The following TENM2 variants were observed in gnomAD, a reference collection of about 807,000 sequenced individuals.
The protein encoded by TENM2 is teneurin transmembrane protein 2.
A neutral mutation model predicts 245.2 loss-of-function variants in TENM2; 52 were observed. The ratio of observed to expected loss-of-function variants is 0.21; its 90% CI spans 0.17 to 0.27. TENM2 has a LOEUF of 0.27. Ranked by LOEUF, TENM2 falls within the 10% of genes least tolerant of loss-of-function variation. The pLI is 1.00. For missense variants in TENM2, 3,046 were observed against 3,666.8 expected (o/e 0.83, Z 4.37); for synonymous variants, 1,363 against 1,438.9 (o/e 0.95, Z 1.19).
intron 12 of TENM2, among the ~76,000 whole-genome samples, chr5:168,146,716 T>C (rs1756116583): frequency 6.6e-6 from 1 of 152,230 alleles, no homozygotes; most frequent in Non-Finnish European, 1.5e-5. Flanking sequence ...AGGTGAATAC[T>C]GTTAGCATCA....
chr5:167,082,323 C>T, the TENM2 span, among the ~76,000 whole-genome samples: 1 of 151,956 alleles, frequency 6.6e-6, no homozygotes, highest in African/African-American at 2.4e-5. Context: ...CTCACTCTGT[C>T]GCTCAGGTTG....
chr5:168,189,610 CCA>C (rs1203731608), intron 13 of TENM2, among the ~76,000 whole-genome samples: 1 of 152,184 alleles, frequency 6.6e-6, no homozygotes, highest in Non-Finnish European at 1.5e-5. Context: ...CAAGCCAAAG[CCA>C]TTTCTCCACA....
chr5:167,808,657 C>G (rs1391011041), intron 2 of TENM2, among the ~76,000 whole-genome samples: 1 of 152,102 alleles, frequency 6.6e-6, no homozygotes, highest in South Asian at 2.1e-4. Flanking sequence ...AGATAGAAAC[C>G]CCTTGTCTTT....
At chr5:167,341,749 G>A (rs972083544) in intron 1 of TENM2, among the ~76,000 whole-genome samples, 4 of 151,570 alleles carry the variant, frequency 2.6e-5, no homozygotes, top group Non-Finnish European at 5.9e-5. Context: ...ACATAATTAT[G>A]GAGAGATCTC....
At chr5:167,358,317 C>T (rs1049149044) in intron 1 of TENM2, among the ~76,000 whole-genome samples, 2 of 152,154 alleles carry the variant, frequency 1.3e-5, no homozygotes, top group African/African-American at 4.8e-5. Context: ...GTTGCTACAT[C>T]ATAATTGTCC....
chr5:167,182,424 A>C, the TENM2 span, among the ~76,000 whole-genome samples: 1 of 152,184 alleles, frequency 6.6e-6, no homozygotes, highest in African/African-American at 2.4e-5. Context: ...AATTTGGAAC[A>C]TCATTCTGAG....
chr5:168,016,674 C>T (rs983612350), intron 5 of TENM2, among the ~76,000 whole-genome samples: 4 of 152,178 alleles, frequency 2.6e-5, no homozygotes, highest in Non-Finnish European at 5.9e-5. Flanking sequence ...CAAGCACCTT[C>T]TCAGTGGGAG....
intron 12 of TENM2, among the ~76,000 whole-genome samples, chr5:168,137,309 C>G (rs1429204189): frequency 6.6e-6 from 1 of 152,170 alleles, no homozygotes; most frequent in Non-Finnish European, 1.5e-5. Context: ...GAGGGAGAAG[C>G]TCTGATAAGT....
chr5:167,126,960 G>C, the TENM2 span, among the ~76,000 whole-genome samples: 1 of 151,402 alleles, frequency 6.6e-6, no homozygotes, highest in Middle Eastern at 3.5e-3. Flanking sequence ...TGGTACATTT[G>C]TAGCAGAGCC....
intron 3 of TENM2, among the ~76,000 whole-genome samples, chr5:167,926,261 T>C (rs1777753697): frequency 6.6e-6 from 1 of 152,210 alleles, no homozygotes; most frequent in Non-Finnish European, 1.5e-5. Flanking sequence ...TACTCCTCTT[T>C]ATAAATTTTG....
At chr5:167,249,635 A>C in the TENM2 span, among the ~76,000 whole-genome samples, 1 of 152,128 alleles carries the variant, frequency 6.6e-6, no homozygotes, top group East Asian at 1.9e-4. Flanking sequence ...GTTGTCATTT[A>C]AGGAAGTTAG....
At chr5:167,707,012 C>A (rs1758577079) in intron 2 of TENM2, among the ~76,000 whole-genome samples, 1 of 96,152 alleles carries the variant, frequency 1.0e-5, no homozygotes, top group Non-Finnish European at 1.9e-5. Flanking sequence ...GAGACTCCGC[C>A]TAAAAAAAAA....
chr5:167,294,649 A>G (rs1206694499), intron 1 of TENM2, among the ~76,000 whole-genome samples: 1 of 152,048 alleles, frequency 6.6e-6, no homozygotes, highest in Non-Finnish European at 1.5e-5. Context: ...CCACAAAATT[A>G]ATGTACATAG....
chr5:167,978,489 A>T (rs1782602763), intron 4 of TENM2, among the ~76,000 whole-genome samples: 1 of 152,236 alleles, frequency 6.6e-6, no homozygotes. Context: ...TGAACTTGAA[A>T]ACATTATGCT....
At chr5:168,214,588 A>G (rs1410417803) in intron 20 of TENM2, among the ~76,000 whole-genome samples, 2 of 152,220 alleles carry the variant, frequency 1.3e-5, no homozygotes, top group Non-Finnish European at 2.9e-5. Context: ...TCACCCTGGT[A>G]TTAATGGCCT....
intron 7 of TENM2, among the ~76,000 whole-genome samples, chr5:168,087,726 A>T (rs1430336760): frequency 6.6e-6 from 1 of 151,756 alleles, no homozygotes; most frequent in Non-Finnish European, 1.5e-5. Flanking sequence ...TGCAGATGAA[A>T]CCCCTGTCTT....
chr5:167,014,767 T>C, the TENM2 span, among the ~76,000 whole-genome samples: 1 of 152,202 alleles, frequency 6.6e-6, no homozygotes, highest in Non-Finnish European at 1.5e-5. Flanking sequence ...GATTCAACGC[T>C]GCTTAGAGTC....
At chr5:168,165,976 T>C (rs777725028) in intron 13 of TENM2, 12 of 152,140 alleles carry the variant, frequency 7.9e-5, no homozygotes, top group East Asian at 1.9e-4. Flanking sequence ...ATCCTTTTTA[T>C]GGTTAGTGAC....
chr5:168,172,962 G>A (rs1314467066), intron 13 of TENM2, among the ~76,000 whole-genome samples: 1 of 152,100 alleles, frequency 6.6e-6, no homozygotes, highest in African/African-American at 2.4e-5. Context: ...AAACTGCGAG[G>A]TGTTCCCCCA....
Sources: gnomAD v4.1 joint callset for allele counts (sites outside exome capture counted in the v4.1 genomes callset) on GRCh38, gnomAD v4.1.1 for gene constraint, MANE v1.5 for transcripts, NCBI Gene and HGNC (gene_info 2026-07-23, HGNC 2026-07-21) for gene names.